Variants in HTR4 observed in about 807,000 individuals in gnomAD.
The protein encoded by HTR4 is 5-hydroxytryptamine (serotonin) receptor 4, G protein-coupled.
HTR4 carries 16 observed loss-of-function variants against 36.8 expected under a neutral mutation model. The observed-to-expected ratio is 0.43, with a 90% CI of 0.29 to 0.66. HTR4 has a LOEUF of 0.66. HTR4 is among the 30% of genes least tolerant of loss of function. The pLI is 0.13. For missense variants in HTR4, 438 were observed against 490.9 expected, an observed-to-expected ratio of 0.89 and a Z score of 1.02; for synonymous variants, 189 against 185.1, an observed-to-expected ratio of 1.02 and a Z score of -0.17.
At chr5:148,505,742 G>C (rs1175332459) in intron 6 of HTR4, among the ~76,000 whole-genome samples, 35 of 152,020 alleles carry the variant, frequency 2.3e-4, no homozygotes, top group Admixed American at 1.8e-3. Context: ...GACAAACAGA[G>C]GGCCAAATCA....
chr5:148,455,998 G>A (rs184110016), intron 5 of HTR4, among the ~76,000 whole-genome samples: 4 of 152,180 alleles, frequency 2.6e-5, no homozygotes, highest in African/African-American at 9.6e-5. Flanking sequence ...CCATGCGTAA[G>A]TGGACCCAGA....
At chr5:148,463,869 T>C (rs777639437) in intron 5 of HTR4, among the ~76,000 whole-genome samples, 2 of 151,992 alleles carry the variant, frequency 1.3e-5, no homozygotes, top group Non-Finnish European at 2.9e-5. Context: ...GCAGTATAGT[T>C]TGGCCAAAGA....
At chr5:148,641,598 A>G (rs1345678362) in intron 1 of HTR4, among the ~76,000 whole-genome samples, 1 of 152,222 alleles carries the variant, frequency 6.6e-6, no homozygotes, top group Admixed American at 6.5e-5. Flanking sequence ...CATAAAAGTA[A>G]AATTGCAGCA....
rs375828977 is a variant in HTR4, at chr5:148,524,272, A to G, written c.354-926T>C. 3.7e-4 allele frequency among the ~76,000 whole-genome samples: 56 copies of G among 152,296 alleles called. No homozygotes were observed. The East Asian group carries it at 5.8e-3, about 16-fold the overall frequency. ...AGGACCAAGGGACTAGTCCTGACCA[A>G]TGAATCATGAACAGAATTGACATGC... On this transcript the variant is annotated intron_variant, in intron 4 of 6. Transcript: ENST00000377888.
chr5:148,521,585 A>C (rs1217327897), intron 5 of HTR4, among the ~76,000 whole-genome samples: 1 of 151,888 alleles, frequency 6.6e-6, no homozygotes, highest in Non-Finnish European at 1.5e-5. Context: ...AGATCTTGTT[A>C]CTGGTAAACA....
chr5:148,475,007 T>C (rs1755661754), downstream of HTR4, among the ~76,000 whole-genome samples: 1 of 151,772 alleles, frequency 6.6e-6, no homozygotes, highest in Non-Finnish European at 1.5e-5. Flanking sequence ...ATGGCGCCAC[T>C]GCACTCCAGC....
At chr5:148,495,317 A>G (rs1756635819) in intron 6 of HTR4, among the ~76,000 whole-genome samples, 1 of 152,218 alleles carries the variant, frequency 6.6e-6, no homozygotes, top group Admixed American at 6.5e-5. Context: ...TCTACCAAAG[A>G]AGTCAAAACT....
At chr5:148,576,094 GAGC>G (rs1377660746) in intron 2 of HTR4, among the ~76,000 whole-genome samples, 3 of 104,690 alleles carry the variant, frequency 2.9e-5, no homozygotes, top group African/African-American at 1.2e-4. Context: ...CTGGGCGACA[GAGC>G]GAGACTCCGT....
At chr5:148,477,485 G>C (rs1287154721), downstream of HTR4, among the ~76,000 whole-genome samples, 2 of 152,148 alleles carry the variant, frequency 1.3e-5, no homozygotes, top group Non-Finnish European at 2.9e-5. Flanking sequence ...CGGGCCTCAG[G>C]TGGATCAAGT....
chr5:148,570,576 G>A (rs1337827889), intron 2 of HTR4, among the ~76,000 whole-genome samples: 2 of 152,044 alleles, frequency 1.3e-5, no homozygotes, highest in African/African-American at 4.8e-5. Context: ...ACATAACTTC[G>A]TCCAGCAACT....
downstream of HTR4, among the ~76,000 whole-genome samples, chr5:148,481,042 C>T (rs1232351622): frequency 3.9e-5 from 6 of 152,192 alleles, no homozygotes; most frequent in South Asian, 2.1e-4. Flanking sequence ...ACCCAGTGCA[C>T]GTGCTGCCTC....
At chr5:148,530,528 A>G (rs1758510853) in intron 4 of HTR4, among the ~76,000 whole-genome samples, 1 of 152,218 alleles carries the variant, frequency 6.6e-6, no homozygotes, top group Admixed American at 6.5e-5. Context: ...TAGATTACAG[A>G]GGATGTATGG....
At chr5:148,580,897 C>T (rs892695562) in intron 2 of HTR4, among the ~76,000 whole-genome samples, 1 of 152,022 alleles carries the variant, frequency 6.6e-6, no homozygotes, top group African/African-American at 2.4e-5. Context: ...ATTGAGATTG[C>T]TAGATCATGT....
intron 6 of HTR4, among the ~76,000 whole-genome samples, chr5:148,495,539 A>AT (rs1561577576): frequency 6.6e-6 from 1 of 152,176 alleles, no homozygotes; most frequent in African/African-American, 2.4e-5. Context: ...GGCTCTGAGG[A>AT]TACAACAGGC....
chr5:148,514,928 G>T (rs766562857), intron 5 of HTR4, among the ~76,000 whole-genome samples: 3 of 151,780 alleles, frequency 2.0e-5, no homozygotes, highest in Non-Finnish European at 4.4e-5. Flanking sequence ...TATATTTAAT[G>T]GTCCTCTCTT....
rs186185131 is a variant in HTR4, at chr5:148,635,125, A to G, written c.26+1864T>C. Among the ~76,000 whole-genome samples the G allele has an allele frequency of 2.7e-3, 405 of 152,280 alleles. 1 individual carries two copies. The highest frequency in any genetic ancestry group is 4.5e-3 in the Non-Finnish European group (306 of 68,010). ...ATATAAGGAAATATTTTTCACTATTATAAGTGGCAAAATATTATTACTCAT... is the reference window on the plus strand; with the variant it reads ...ATATAAGGAAATATTTTTCACTATTGTAAGTGGCAAAATATTATTACTCAT... On this transcript the variant is annotated intron_variant, in intron 2 of 6. Coordinates refer to ENST00000377888, the MANE Select transcript of HTR4 (RefSeq NM_000870.7).
intron 2 of HTR4, among the ~76,000 whole-genome samples, chr5:148,598,090 AC>A: frequency 1.3e-5 from 2 of 152,256 alleles, no homozygotes; most frequent in Admixed American, 1.3e-4. Flanking sequence ...CCATCAGTGA[AC>A]TCTGAGGGAA....
chr5:148,482,467 A>G lies in HTR4; in HGVS notation c.*736T>C. 1.0e-6 allele frequency: 1 copy of G among 985,610 alleles called. No homozygotes were observed. Among genetic ancestry groups the G allele is most frequent in the Non-Finnish European group, 1.2e-6 (1 of 830,090 alleles). The allele number at this position is 985,610 out of a possible 1,614,324, so 61.1% of individuals were successfully genotyped here. A position where few individuals can be genotyped will look rare whatever the true frequency, so the allele number is the denominator to read the frequency against. ...AGCTATCTGTCTTCAGCTTCCCTCC[A>G]GAGTTGCTGTGGAGACCATTTTCCT... On this transcript the variant is annotated 3_prime_UTR_variant, in exon 7 of 7. Coordinates refer to ENST00000377888, the MANE Select transcript of HTR4 (RefSeq NM_000870.7).
At chr5:148,548,959 AG>A (rs1759536922) in intron 3 of HTR4, 91 bp from the exon 4 acceptor site, 1 of 864,250 alleles carries the variant, frequency 1.2e-6, no homozygotes, top group African/African-American at 1.7e-5. Flanking sequence ...AACAGGGAAA[AG>A]GGAAACAAAG....
Sources: gnomAD v4.1 joint callset for allele counts (sites outside exome capture counted in the v4.1 genomes callset) on GRCh38, gnomAD v4.1.1 for gene constraint, MANE v1.5 for transcripts, NCBI Gene and HGNC (gene_info 2026-07-23, HGNC 2026-07-21) for gene names.